The following DNAJC13 variants were observed in gnomAD, a reference collection of about 807,000 sequenced individuals.
DNAJC13 encodes dnaJ homolog subfamily C member 13.
Under a neutral mutation model 290.5 loss-of-function variants are expected in DNAJC13, and 75 were observed. That is an observed-to-expected ratio of 0.26 (90% confidence interval 0.21 to 0.31). The LOEUF is 0.31. Among genes scored for constraint, DNAJC13 ranks in the 10% least tolerant of loss-of-function variants. DNAJC13 has a pLI of 1.00. For missense variants in DNAJC13, 2,260 were observed against 2,674.5 expected (o/e 0.85, Z 3.42); for synonymous variants, 862 against 892.0 (o/e 0.97, Z 0.60).
At chr3:132,479,339 T>C (rs1232730092) in intron 25 of DNAJC13, 50 bp downstream of exon 25, 5 of 1,275,952 alleles carry the variant, frequency 3.9e-6, no homozygotes, top group Non-Finnish European at 5.7e-6. Flanking sequence ...CATATAAGTA[T>C]GTAAGATAAA....
At chr3:132,498,487 A>C (rs1935305314) in intron 36 of DNAJC13, among the ~76,000 whole-genome samples, 1 of 152,178 alleles carries the variant, frequency 6.6e-6, no homozygotes, top group East Asian at 1.9e-4. Context: ...CAGCATAGAA[A>C]GTAGGTATTC....
Position 132,473,285 on chromosome 3 carries a change from T to C in DNAJC13, c.2291+58T>C, listed in dbSNP as rs9829140. On this transcript the variant is annotated intron_variant, in intron 21 of 55. Transcript: ENST00000260818. The stretch of plus-strand genomic sequence containing the variant: ...AAATTTAGTATTGCCATGAGAGGCA[T>C]CATGACACGTTCTTCTTCCCTGAAA... 0.063 allele frequency: 73,663 copies of C among 1,161,454 alleles called. 2,565 individuals are homozygous for C. The highest frequency in any genetic ancestry group is 0.07 in the Non-Finnish European group (55,263 of 793,936). 71.9% of individuals were successfully genotyped at this position (1,161,454 alleles called of 1,614,324 possible).
At chr3:132,523,287 C>A (rs142518910) in intron 50 of DNAJC13, 88 bp downstream of exon 50, 1 of 1,440,742 alleles carries the variant, frequency 6.9e-7, no homozygotes, top group African/African-American at 1.4e-5. Context: ...CGACCTATAA[C>A]TACTTTGTCA....
At chr3:132,468,286 T>A (rs1171120197) in intron 20 of DNAJC13, among the ~76,000 whole-genome samples, 1 of 152,228 alleles carries the variant, frequency 6.6e-6, no homozygotes, top group Non-Finnish European at 1.5e-5. Flanking sequence ...CTCCTTAATC[T>A]TCTCCTTACT....
chr3:132,527,161 G>C (rs1315456670), intron 53 of DNAJC13, among the ~76,000 whole-genome samples: 1 of 152,112 alleles, frequency 6.6e-6, no homozygotes, highest in Non-Finnish European at 1.5e-5. Context: ...ATTCTGCATT[G>C]TATGCATGTG....
intron 16 of DNAJC13, among the ~76,000 whole-genome samples, 154 bp from the exon 17 acceptor site, chr3:132,463,542 C>G (rs1933876649): frequency 2.0e-5 from 3 of 152,048 alleles, no homozygotes; most frequent in Non-Finnish European, 4.4e-5. Context: ...TACTACTCAC[C>G]TATTTTTTTT....
chr3:132,473,251 A>G (rs1452052264), intron 21 of DNAJC13, 24 bp downstream of exon 21: 1 of 1,502,596 alleles, frequency 6.7e-7, no homozygotes, highest in South Asian at 1.2e-5. Flanking sequence ...CTCTTTTCCA[A>G]TAAAGATTAA....
At chr3:132,486,292 AT>A (rs1934875177) in intron 29 of DNAJC13, among the ~76,000 whole-genome samples, 1 of 151,700 alleles carries the variant, frequency 6.6e-6, no homozygotes, top group Non-Finnish European at 1.5e-5. Context: ...AAAGAGAGGA[AT>A]TTTTTCTCCC....
At chr3:132,465,108 A>C (rs1168868614) in intron 17 of DNAJC13, among the ~76,000 whole-genome samples, 3 of 152,200 alleles carry the variant, frequency 2.0e-5, no homozygotes, top group Non-Finnish European at 4.4e-5. Context: ...TCAATATGTT[A>C]GCTTTCAAAT....
At chr3:132,526,085 A>G in intron 52 of DNAJC13, 56 bp from the exon 53 acceptor site, 1 of 1,593,014 alleles carries the variant, frequency 6.3e-7, no homozygotes, top group Non-Finnish European at 8.6e-7. Context: ...TATGGTATTT[A>G]CTATGTTATA....
intron 52 of DNAJC13, 64 bp from the exon 53 acceptor site, chr3:132,526,077 T>C (rs2107748284): frequency 1.9e-6 from 3 of 1,557,668 alleles, no homozygotes; most frequent in East Asian, 2.3e-5. Context: ...TATTTTGTTA[T>C]GGTATTTACT....
chr3:132,460,311 C>T lies in DNAJC13; in HGVS notation c.1511C>T (p.Ser504Leu). The T allele has an allele frequency of 1.2e-6, 2 of 1,612,320 alleles. No individual in the cohort carries two copies. The highest frequency in any genetic ancestry group is 1.1e-5 in the South Asian group (1 of 90,936). Residue 504 changes from serine (S) to leucine (L), a missense_variant, in exon 14 of 56, where the codon TCA becomes TTA. Transcript: ENST00000260818. ...TTGAACAAAGCTTCTCTTCTCTCGT[C>T]AAAGAAGTTTCTGGAAAACTTACTG... is the stretch of plus-strand genomic sequence containing the variant. Reference protein sequence around the residue: ...EQLNKASLLSSKKFLENLLEK... With the variant: ...EQLNKASLLSLKKFLENLLEK...
At chr3:132,477,210 T>C (rs1157590027) in intron 22 of DNAJC13, among the ~76,000 whole-genome samples, 1 of 152,268 alleles carries the variant, frequency 6.6e-6, no homozygotes, top group African/African-American at 2.4e-5. Flanking sequence ...AATTCTGATC[T>C]GGGAATTCCT....
intron 1 of DNAJC13, among the ~76,000 whole-genome samples, chr3:132,433,470 TCTCACTATGTTGTCTA>T (rs1939293205): frequency 6.6e-6 from 1 of 152,018 alleles, no homozygotes; most frequent in Non-Finnish European, 1.5e-5. Context: ...AGAGAGAACG[TCTCACTATGTTGTCTA>T]GGCTGGTCTC....
chr3:132,484,290 C>T (rs568270915), intron 28 of DNAJC13: 15 of 435,486 alleles, frequency 3.4e-5, no homozygotes, highest in African/African-American at 1.4e-4. Context: ...GGGGAAAATA[C>T]CCACTGACAG....
At chr3:132,493,029 G>A (rs1408052286) in intron 33 of DNAJC13, among the ~76,000 whole-genome samples, 1 of 152,018 alleles carries the variant, frequency 6.6e-6, no homozygotes, top group Admixed American at 6.6e-5. Flanking sequence ...TTAATATTCA[G>A]TACATTGCTT....
intron 1 of DNAJC13, among the ~76,000 whole-genome samples, chr3:132,418,112 T>C (rs1458279886): frequency 2.6e-5 from 4 of 152,172 alleles, no homozygotes; most frequent in African/African-American, 7.2e-5. Flanking sequence ...TCCAGTCTCC[T>C]AGTCTGAGCA....
At chr3:132,492,293 A>G in intron 32 of DNAJC13, 121 bp from the exon 33 acceptor site, 4 of 1,089,834 alleles carry the variant, frequency 3.7e-6, no homozygotes, top group Non-Finnish European at 4.0e-6. Context: ...CTCTCATTTT[A>G]GGATAATCAT....
At chr3:132,502,232 CTTTTT>C (rs11293788) in intron 39 of DNAJC13, 52 bp from the exon 40 acceptor site, 88 of 1,187,996 alleles carry the variant, frequency 7.4e-5, no homozygotes, top group South Asian at 2.4e-4. Flanking sequence ...CTCTTGGGAG[CTTTTT>C]TTTTTTTTTT....
Sources: allele counts gnomAD v4.1 joint callset (sites outside exome capture counted in the v4.1 genomes callset), GRCh38; gene constraint gnomAD v4.1.1; transcripts MANE v1.5; gene names NCBI Gene and HGNC (gene_info 2026-07-23, HGNC 2026-07-21).